Variants in TEX36 observed in about 807,000 individuals in gnomAD.
TEX36 encodes the protein testis-expressed protein 36.
In TEX36, 12 loss-of-function variants were observed where a neutral mutation model predicts 13.6. That is an observed-to-expected ratio of 0.88 (90% confidence interval 0.56 to 1.43). The LOEUF (loss-of-function observed/expected upper bound fraction) is 1.43, where lower values mean the gene tolerates loss of function less well. TEX36 is among the 40% of genes most tolerant of loss of function. The pLI, the probability that TEX36 is intolerant of heterozygous loss-of-function variation, is 0.00. For missense variants in TEX36, 224 were observed against 228.3 expected (o/e 0.98, Z 0.12); for synonymous variants, 93 against 83.0 (o/e 1.12, Z -0.65).
chr10:125,597,308 C>T (rs1435833278), intron 3 of TEX36, among the ~76,000 whole-genome samples: 2 of 152,156 alleles, frequency 1.3e-5, no homozygotes, highest in East Asian at 3.9e-4. Context: ...CCACTGTTAC[C>T]AAGCTGTACT....
intron 3 of TEX36, among the ~76,000 whole-genome samples, chr10:125,649,173 C>T (rs1322115060): frequency 1.3e-5 from 2 of 152,090 alleles, no homozygotes; most frequent in Admixed American, 6.6e-5. Flanking sequence ...AGATACTCCT[C>T]GAGAAGTGCA....
chr10:125,665,686 C>T (rs1200038965), intron 1 of TEX36, among the ~76,000 whole-genome samples: 1 of 152,076 alleles, frequency 6.6e-6, no homozygotes, highest in African/African-American at 2.4e-5. Flanking sequence ...TTTGGTTATT[C>T]TGGCTCTTTT....
intron 3 of TEX36, among the ~76,000 whole-genome samples, chr10:125,636,971 G>A (rs1007118990): frequency 1.2e-4 from 18 of 151,834 alleles, no homozygotes; most frequent in Non-Finnish European, 1.9e-4. Flanking sequence ...TCCAGTCTTT[G>A]ATTTTATGAA....
chr10:125,643,521 A>C (rs988267421), intron 3 of TEX36, among the ~76,000 whole-genome samples: 20 of 152,192 alleles, frequency 1.3e-4, no homozygotes, highest in Admixed American at 1.0e-3. Flanking sequence ...AGGAGGGCGG[A>C]TCACGAGGTC....
chr10:125,594,968 GA>G (rs1230385436), intron 3 of TEX36, among the ~76,000 whole-genome samples: 2 of 152,138 alleles, frequency 1.3e-5, no homozygotes, highest in Non-Finnish European at 2.9e-5. Flanking sequence ...AGGAGAAAAA[GA>G]GAAGTCACAA....
chr10:125,641,063 T>G (rs1393086733), intron 3 of TEX36, among the ~76,000 whole-genome samples: 1 of 152,014 alleles, frequency 6.6e-6, no homozygotes, highest in Non-Finnish European at 1.5e-5. Flanking sequence ...TCTCCCGAAC[T>G]GTAGACCAGC....
At chr10:125,591,016 C>A (rs1019764197) in intron 3 of TEX36, among the ~76,000 whole-genome samples, 2 of 152,092 alleles carry the variant, frequency 1.3e-5, no homozygotes, top group Non-Finnish European at 2.9e-5. Context: ...CACAACGGGC[C>A]CTGCCTGCAC....
intron 1 of TEX36, chr10:125,667,717 G>C: frequency 1.3e-6 from 1 of 757,070 alleles, no homozygotes; most frequent in South Asian, 1.5e-5. Context: ...GGTGGAAGAG[G>C]ATGACGTCCC....
chr10:125,654,995 C>G (rs1846916306), downstream of TEX36, among the ~76,000 whole-genome samples: 1 of 152,178 alleles, frequency 6.6e-6, no homozygotes, highest in South Asian at 2.1e-4. Flanking sequence ...CTGTGTCTAA[C>G]AGCAAAAACG....
chr10:125,576,594 A>G (rs866983060), exon 4 of TEX36: 8 of 1,086,004 alleles, frequency 7.4e-6, no homozygotes, highest in South Asian at 1.7e-5. Context: ...GGATTTCTCC[A>G]TAGCTGGAAA....
At chr10:125,644,858 C>T (rs555856816) in intron 3 of TEX36, among the ~76,000 whole-genome samples, 17 of 152,170 alleles carry the variant, frequency 1.1e-4, no homozygotes, top group Non-Finnish European at 2.1e-4. Flanking sequence ...AAAAGGGCAC[C>T]GAACTCTTTC....
Position 125,683,122 on chromosome 10 carries a change from A to G in TEX36, c.-133T>C, listed in dbSNP as rs975324205. 3 of 1,026,276 alleles carry G rather than the reference A, an allele frequency of 2.9e-6. No individual in the cohort carries two copies. The highest frequency in any genetic ancestry group is 4.4e-6 in the Non-Finnish European group (3 of 674,512). The allele number at this position is 1,026,276 out of a possible 1,614,324, so 63.6% of individuals were successfully genotyped here. ...AAGCTCCTCCTCCTCCTTGTTCCTG[A>G]TCTTTACTTCTCAGCCTCTTCCAGG... On this transcript the variant is annotated 5_prime_UTR_variant, in exon 1 of 4. Coordinates refer to ENST00000368821, the MANE Select transcript of TEX36 (RefSeq NM_001128202.3).
At chr10:125,596,913 A>C (rs764578424) in intron 3 of TEX36, among the ~76,000 whole-genome samples, 1 of 152,146 alleles carries the variant, frequency 6.6e-6, no homozygotes, top group Non-Finnish European at 1.5e-5. Context: ...TAAATTTGTA[A>C]TCTCTCCTGT....
At position 125,592,417 on chromosome 10, in the gene TEX36, G is replaced by C. The variant is rs550468949; in HGVS notation, c.265-15543C>G. ...AATACAACATATTTTTTCTCTGCTT[G>C]TATAGAATGTAGCTACTTGAATTTT... On this transcript the variant is annotated intron_variant, in intron 3 of 3. Coordinates refer to the TEX36 transcript ENST00000532135. Among the ~76,000 whole-genome samples the C allele has an allele frequency of 1.4e-4, 22 of 152,114 alleles. No homozygotes were observed. The East Asian group carries it at 4.1e-3, about 28-fold the overall frequency.
At position 125,610,374 on chromosome 10, in the gene TEX36, G is replaced by A. The variant is rs192740829; in HGVS notation, c.265-33500C>T. The stretch of plus-strand genomic sequence containing the variant: ...GCCTCCCAGGCTGAACCCCAATTTG[G>A]GGGTTCTGTATATCCTGCCGTTTTC... On this transcript the variant is annotated intron_variant, in intron 3 of 3. Coordinates refer to the TEX36 transcript ENST00000532135. Among the ~76,000 whole-genome samples the A allele has an allele frequency of 3.9e-3, 590 of 152,182 alleles. 3 individuals are homozygous for A. Among genetic ancestry groups the A allele is most frequent in the African/African-American group, 0.013 (545 of 41,494 alleles).
At chr10:125,577,880 G>A (rs1845843977) in intron 3 of TEX36, among the ~76,000 whole-genome samples, 1 of 152,140 alleles carries the variant, frequency 6.6e-6, no homozygotes, top group Non-Finnish European at 1.5e-5. Context: ...TGGTTTCCGG[G>A]GGAATGTGAG....
At chr10:125,597,972 T>C (rs1846102087) in intron 3 of TEX36, among the ~76,000 whole-genome samples, 1 of 152,208 alleles carries the variant, frequency 6.6e-6, no homozygotes, top group Non-Finnish European at 1.5e-5. Context: ...TTTATTTACT[T>C]TCTTAATTGC....
chr10:125,584,462 GT>G (rs1388027153), intron 3 of TEX36, among the ~76,000 whole-genome samples: 1 of 152,140 alleles, frequency 6.6e-6, no homozygotes, highest in Non-Finnish European at 1.5e-5. Flanking sequence ...TCCTTCCAAA[GT>G]TTTTCTTTAT....
At chr10:125,622,109 C>T (rs1846434982) in intron 3 of TEX36, among the ~76,000 whole-genome samples, 1 of 152,132 alleles carries the variant, frequency 6.6e-6, no homozygotes, top group African/African-American at 2.4e-5. Flanking sequence ...CACAAGTCTA[C>T]CCATTGTCAA....
Sources: gnomAD v4.1 joint callset for allele counts (sites outside exome capture counted in the v4.1 genomes callset) on GRCh38, gnomAD v4.1.1 for gene constraint, MANE v1.5 for transcripts, NCBI Gene and HGNC (gene_info 2026-07-23, HGNC 2026-07-21) for gene names.